Variants in EIF4G3 observed in about 807,000 individuals in gnomAD.
The protein encoded by EIF4G3 is eukaryotic translation initiation factor 4 gamma 3.
EIF4G3 carries 34 observed loss-of-function variants against 186.4 expected under a neutral mutation model. The observed-to-expected ratio is 0.18, with a 90% CI of 0.14 to 0.24. The LOEUF (loss-of-function observed/expected upper bound fraction) is 0.24. Ranked by LOEUF, EIF4G3 falls within the 10% of genes least tolerant of loss-of-function variation. EIF4G3 has a pLI of 1.00. For missense variants in EIF4G3, 1,536 were observed against 1,948.5 expected (o/e 0.79, Z 3.99); for synonymous variants, 673 against 679.5 (o/e 0.99, Z 0.15).
chr1:20,815,208 G>A (rs1371138340), intron 34 of EIF4G3, among the ~76,000 whole-genome samples: 1 of 94,440 alleles, frequency 1.1e-5, no homozygotes, highest in South Asian at 5.2e-4. Flanking sequence ...CCGCCACCCC[G>A]TCTGGGAAGT....
intron 3 of EIF4G3, among the ~76,000 whole-genome samples, chr1:21,061,465 G>C (rs1438540114): frequency 1.3e-5 from 2 of 152,158 alleles, no homozygotes; most frequent in African/African-American, 4.8e-5. Flanking sequence ...GAAATAATAA[G>C]TAGTGTGTTG....
chr1:21,161,878 G>A (rs1053113979), intron 2 of EIF4G3: 2 of 151,574 alleles, frequency 1.3e-5, no homozygotes, highest in East Asian at 2.0e-4. Context: ...TGAGGCAGGA[G>A]AATCACTTGA....
At chr1:20,967,645 T>C (rs1044653103) in intron 12 of EIF4G3, among the ~76,000 whole-genome samples, 1 of 152,144 alleles carries the variant, frequency 6.6e-6, no homozygotes, top group Non-Finnish European at 1.5e-5. Flanking sequence ...AGAAAACATA[T>C]CATTACAACA....
intron 32 of EIF4G3, 131 bp from the exon 33 acceptor site, chr1:20,825,329 A>G: frequency 1.5e-6 from 1 of 673,194 alleles, no homozygotes; most frequent in Non-Finnish European, 2.4e-6. Context: ...AAACGTTTCC[A>G]GCAGGGCATG....
chr1:21,063,724 G>T (rs2095068092), intron 3 of EIF4G3, among the ~76,000 whole-genome samples: 2 of 125,042 alleles, frequency 1.6e-5, no homozygotes, highest in Non-Finnish European at 1.7e-5. Flanking sequence ...GGGTGTTGGG[G>T]GGGGGGACGC....
At chr1:21,008,753 C>A (rs1363110218) in intron 4 of EIF4G3, among the ~76,000 whole-genome samples, 2 of 152,180 alleles carry the variant, frequency 1.3e-5, no homozygotes. Context: ...TACAGAAGAA[C>A]ATTTAATGAC....
chr1:21,125,754 A>ATG (rs1558078806), intron 2 of EIF4G3, among the ~76,000 whole-genome samples: 1 of 131,830 alleles, frequency 7.6e-6, no homozygotes, highest in African/African-American at 2.9e-5. Flanking sequence ...AATATATATA[A>ATG]TTTTTTTATA....
At chr1:21,017,970 ACT>A (rs2089673057) in intron 4 of EIF4G3, among the ~76,000 whole-genome samples, 1 of 151,914 alleles carries the variant, frequency 6.6e-6, no homozygotes, top group African/African-American at 2.4e-5. Context: ...ACAAGGTCTC[ACT>A]CTGTTACCCA....
intron 7 of EIF4G3, among the ~76,000 whole-genome samples, chr1:20,996,838 A>T (rs2082395355): frequency 6.6e-6 from 1 of 152,184 alleles, no homozygotes; most frequent in Non-Finnish European, 1.5e-5. Context: ...AGACTAAACC[A>T]AAGCTCTTTC....
intron 2 of EIF4G3, among the ~76,000 whole-genome samples, chr1:21,128,456 G>A: frequency 6.6e-6 from 1 of 151,730 alleles, no homozygotes; most frequent in East Asian, 1.9e-4. Context: ...GTTGCAGTGA[G>A]CCAAGACCGT....
Position 20,807,370 on chromosome 1 carries a change from C to T in EIF4G3, c.4875G>A (p.Thr1625=), listed in dbSNP as rs770874174. The T allele has an allele frequency of 3.0e-5, 48 of 1,610,108 alleles. No individual in the cohort carries two copies. Among genetic ancestry groups the T allele is most frequent in the Admixed American group, 1.7e-4 (10 of 59,858 alleles). The part of the protein sequence containing the change: ...NGKGVALKSV[T]AFFTWLREAE... ...CTTCCCGCAGCCACGTGAAGAATGC[C>T]GTGACAGATTTCAGAGCCACGCCCT... The change falls in exon 37 of 37, where the codon ACG becomes ACA. Residue 1625 remains threonine, a synonymous_variant. Transcript: ENST00000602326.
intron 2 of EIF4G3, among the ~76,000 whole-genome samples, chr1:21,108,948 G>C (rs1034989202): frequency 8.6e-5 from 13 of 151,282 alleles, no homozygotes; most frequent in Non-Finnish European, 2.9e-5. Flanking sequence ...AGGTGTGGTG[G>C]CTCAATGCCT....
chr1:20,924,543 A>T (rs1357357082), intron 14 of EIF4G3, among the ~76,000 whole-genome samples: 1 of 152,196 alleles, frequency 6.6e-6, no homozygotes, highest in African/African-American at 2.4e-5. Context: ...ATATCAGATA[A>T]ATCATGAGAG....
At chr1:20,829,606 T>G (rs547185584) in intron 30 of EIF4G3, among the ~76,000 whole-genome samples, 2 of 152,244 alleles carry the variant, frequency 1.3e-5, no homozygotes, top group East Asian at 1.9e-4. Context: ...TCCTGTGAAG[T>G]TCTAGGGGAA....
intron 2 of EIF4G3, among the ~76,000 whole-genome samples, chr1:21,125,869 T>C (rs1558080525): frequency 6.6e-6 from 1 of 151,136 alleles, no homozygotes; most frequent in Non-Finnish European, 1.5e-5. Context: ...ACAACAAACT[T>C]AGGAGGAATG....
intron 2 of EIF4G3, among the ~76,000 whole-genome samples, chr1:21,124,586 G>T (rs2096992680): frequency 6.6e-6 from 1 of 152,186 alleles, no homozygotes; most frequent in South Asian, 2.1e-4. Context: ...TAAGGTAGAG[G>T]AAATGAGAAT....
At chr1:20,863,551 T>C (rs2076886972) in intron 22 of EIF4G3, among the ~76,000 whole-genome samples, 2 of 150,432 alleles carry the variant, frequency 1.3e-5, no homozygotes, top group African/African-American at 4.9e-5. Flanking sequence ...TTCAAGCAAT[T>C]CTCCTGCCTC....
chr1:20,831,158 G>T (rs570170235), intron 30 of EIF4G3, among the ~76,000 whole-genome samples: 9 of 152,230 alleles, frequency 5.9e-5, no homozygotes, highest in Admixed American at 6.5e-5. Context: ...CTACATAGAT[G>T]AGACTGCAGA....
At chr1:20,902,734 G>A (rs1303734146) in intron 15 of EIF4G3, among the ~76,000 whole-genome samples, 1 of 152,146 alleles carries the variant, frequency 6.6e-6, no homozygotes, top group Non-Finnish European at 1.5e-5. Context: ...TCCGCCTTCT[G>A]GGTTCAAGTG....
Sources: allele counts gnomAD v4.1 joint callset (sites outside exome capture counted in the v4.1 genomes callset), GRCh38; gene constraint gnomAD v4.1.1; transcripts MANE v1.5; gene names NCBI Gene and HGNC (gene_info 2026-07-23, HGNC 2026-07-21).